Variants in ARMC5 observed in about 807,000 individuals in gnomAD.
The protein encoded by ARMC5 is armadillo repeat containing 5.
ARMC5 carries 28 observed loss-of-function variants against 60.5 expected under a neutral mutation model. That is an observed-to-expected ratio of 0.46 (90% CI 0.34 to 0.63). The LOEUF is 0.63. Ranked by LOEUF, ARMC5 falls within the 30% of genes least tolerant of loss-of-function variation. The pLI is 0.01. For synonymous variants in ARMC5, 680 were observed against 607.3 expected (o/e 1.12, Z -1.76); for missense variants, 1,189 against 1,304.9 (o/e 0.91, Z 1.37).
Position 31,467,108 on chromosome 16 carries a change from C to T in ARMC5, c.*219C>T, listed in dbSNP as rs2082368258. On this transcript the variant is annotated 3_prime_UTR_variant, in exon 6 of 6. Coordinates refer to ENST00000268314, the MANE Select transcript of ARMC5 (RefSeq NM_001105247.2). Reference sequence around the variant, plus strand: ...CAGAGAAGCAGAACAGCCCAGAGCCCCAGGTGCCTGGCCTGGCCTAGACCT... The same window carrying T: ...CAGAGAAGCAGAACAGCCCAGAGCCTCAGGTGCCTGGCCTGGCCTAGACCT... 1 of 504,588 alleles carries T rather than the reference C, an allele frequency of 2.0e-6. No homozygotes were observed. The highest frequency in any genetic ancestry group is 2.0e-5 in the African/African-American group (1 of 50,348). The allele number at this position is 504,588 out of a possible 1,614,324, so 31.3% of individuals were successfully genotyped here. A position where few individuals can be genotyped will look rare whatever the true frequency, so the allele number is the denominator to read the frequency against.
At position 31,467,081 on chromosome 16, in the gene ARMC5, C is replaced by T. The variant is rs918515184; in HGVS notation, c.*192C>T. 1.8e-5 allele frequency: 12 copies of T among 685,674 alleles called. No homozygotes were observed. In the Admixed American group the frequency reaches 3.7e-4, roughly 21 times the overall value. 42.5% of individuals were successfully genotyped at this position (685,674 alleles called of 1,614,324 possible). A position where few individuals can be genotyped will look rare whatever the true frequency, so the allele number is the denominator to read the frequency against. On this transcript the variant is annotated 3_prime_UTR_variant, in exon 6 of 6. Transcript: ENST00000268314. The stretch of plus-strand genomic sequence containing the variant: ...CCAAGGCCAGGTTCTGGGTGTAGGG[C>T]CCAGAGAAGCAGAACAGCCCAGAGC...
At position 31,462,727 on chromosome 16, in the gene ARMC5, CT is replaced by C; in HGVS notation, c.1182del (p.Val395TrpfsTer66). On this transcript the variant is annotated frameshift_variant, in exon 3 of 6. Transcript: ENST00000268314. LOFTEE classifies it high-confidence loss of function. The surrounding 1 kb of genome is among the most constrained non-coding windows in gnomAD (Gnocchi z 7.2). Reference sequence around the variant, plus strand: ...ATGGCACCCTCGTATTGTGGCTGCCCTTGTGGGGTTTCTGTATGACACTGGG... The same window carrying C: ...ATGGCACCCTCGTATTGTGGCTGCCCTGTGGGGTTTCTGTATGACACTGGG... ...SAWHPRIVAA[L>X]VGFLYDTGAL... 6.2e-7 allele frequency: 1 copy of C among 1,613,790 alleles called. No individual in the cohort carries two copies. The highest frequency in any genetic ancestry group is 8.5e-7 in the Non-Finnish European group (1 of 1,180,012).
upstream of ARMC5, chr16:31,458,851 T>C (rs1163175252): frequency 6.5e-7 from 1 of 1,535,014 alleles, no homozygotes; most frequent in East Asian, 2.4e-5. Flanking sequence ...CCCCGTTTCC[T>C]AGATGCCAGC....
At position 31,466,404 on chromosome 16, in the gene ARMC5, C is replaced by T. The variant is rs771192675; in HGVS notation, c.2323C>T (p.Arg775Trp). Residue 775 changes from arginine to tryptophan, a missense_variant, in exon 6 of 6, where the codon CGG becomes TGG. Arg to Trp is a moderately radical substitution (Grantham distance 101). Coordinates refer to ENST00000268314, the MANE Select transcript of ARMC5 (RefSeq NM_001105247.2). This position sits in a 1 kb window ranked among gnomAD's most constrained non-coding sequence, Gnocchi z 8.0. The part of the protein sequence containing the change: ...AASATASPFF[R>W]ALLSGSFAEA... ...CTCAGCCACCGCCTCCCCTTTCTTCCGGGCCCTGCTGTCAGGCAGCTTTGC... is the reference window on the plus strand; with the variant it reads ...CTCAGCCACCGCCTCCCCTTTCTTCTGGGCCCTGCTGTCAGGCAGCTTTGC... 22 of 1,612,172 alleles carry T rather than the reference C, an allele frequency of 1.4e-5. No homozygotes were observed. The highest frequency in any genetic ancestry group is 1.6e-4 in the Middle Eastern group (1 of 6,084).
Position 31,465,951 on chromosome 16 carries a change from G to A in ARMC5, c.1966G>A (p.Ala656Thr). 6.2e-7 allele frequency: 1 copy of A among 1,606,164 alleles called. No individual in the cohort carries two copies. The change falls in exon 5 of 6, where the codon GCC becomes ACC. Residue 656 changes from alanine (A) to threonine (T), a missense_variant. Physicochemically the swap from Ala to Thr is moderately conservative, Grantham distance 58. Coordinates refer to ENST00000268314, the MANE Select transcript of ARMC5 (RefSeq NM_001105247.2). ...CTCTGGGAGCCCTGAGGACCGAGTGGCCTGCGCGCTGACCCTGCCCTTCAT... is the reference window on the plus strand; with the variant it reads ...CTCTGGGAGCCCTGAGGACCGAGTGACCTGCGCGCTGACCCTGCCCTTCAT... ...LLSGSPEDRV[A>T]CALTLPFICR...
rs2082339401 is a variant in ARMC5 at position 31,464,895 on chromosome 16, C to T, written c.1864+8C>T. 5.0e-6 allele frequency: 8 copies of T among 1,606,606 alleles called. No individual in the cohort carries two copies. The highest frequency in any genetic ancestry group is 5.9e-6 in the Non-Finnish European group (7 of 1,179,628). ...GCCGGCACCGAGAGCTGGGTGAGTT[C>T]CCATACCCACCCGTCTCCTTGCCCC... On this transcript the variant is annotated splice_region_variant and intron_variant, in intron 4 of 5. Transcript: ENST00000268314. The surrounding 1 kb of genome is among the most constrained non-coding windows in gnomAD (Gnocchi z 7.6).
chr16:31,466,187 G>A lies in ARMC5; in HGVS notation c.2106G>A (p.Ala702=), dbSNP rs777189617. 1.7e-5 allele frequency: 27 copies of A among 1,612,340 alleles called. No individual in the cohort carries two copies. Among genetic ancestry groups the A allele is most frequent in the African/African-American group, 9.3e-5 (7 of 74,924 alleles). ...APHPLFLFFA[A]DSLSCLQDLV... ...ACCCGCTCTTCCTCTTCTTTGCCGCGGACTCCCTTTCCTGCCTCCAAGACC... is the reference window on the plus strand; with the variant it reads ...ACCCGCTCTTCCTCTTCTTTGCCGCAGACTCCCTTTCCTGCCTCCAAGACC... The change falls in exon 6 of 6, where the codon GCG becomes GCA. Residue 702 remains alanine, a synonymous_variant. Transcript: ENST00000268314. The surrounding 1 kb of genome is among the most constrained non-coding windows in gnomAD (Gnocchi z 8.0).
In ARMC5 at chr16:31,459,854, C is replaced by T. The variant is rs976862231; in HGVS notation, c.330C>T (p.Ala110=). 7.5e-6 allele frequency: 12 copies of T among 1,594,090 alleles called. No individual in the cohort carries two copies. Among genetic ancestry groups the T allele is most frequent in the Admixed American group, 1.7e-5 (1 of 58,280 alleles). ...ASSPAPASGP[A]PSAVSSSSPT... ...GCCCCGCCCCCGCGTCGGGCCCCGC[C>T]CCCTCCGCTGTGTCGTCGTCTAGTC... The change falls in exon 1 of 6, where the codon GCC becomes GCT. Residue 110 remains alanine (A), a synonymous_variant. Coordinates refer to ENST00000268314, the MANE Select transcript of ARMC5 (RefSeq NM_001105247.2).
At chr16:31,459,402 T>C, upstream of ARMC5, 1 of 1,537,644 alleles carries the variant, frequency 6.5e-7, no homozygotes, top group Admixed American at 2.0e-5. Flanking sequence ...ACTTCCGACT[T>C]GCATCACTGC....
At chr16:31,459,240 G>A (rs1407010281), upstream of ARMC5, 35 of 1,532,822 alleles carry the variant, frequency 2.3e-5, no homozygotes, top group African/African-American at 9.6e-5. Context: ...GAGGGCCCTG[G>A]AAGAGTTTCC....
Position 31,464,872 on chromosome 16 carries a change from C to T in ARMC5, c.1849C>T (p.Arg617Trp), listed in dbSNP as rs200869092. The stretch of plus-strand genomic sequence containing the variant: ...ACGTGCCCGGCCCACTCTCCACAGC[C>T]GGCACCGAGAGCTGGGTGAGTTCCC... Reference protein sequence around the residue: ...APRARPTLHSRHRELGERLLQ... With the variant: ...APRARPTLHSWHRELGERLLQ... The change falls in exon 4 of 6, where the codon CGG (arginine) becomes TGG (tryptophan). Residue 617 changes from arginine (R) to tryptophan (W), a missense_variant. Coordinates refer to ENST00000268314, the MANE Select transcript of ARMC5 (RefSeq NM_001105247.2). The surrounding 1 kb of genome is among the most constrained non-coding windows in gnomAD (Gnocchi z 7.6). The T allele has an allele frequency of 1.3e-4, 208 of 1,601,770 alleles. 2 individuals are homozygous for T. Among genetic ancestry groups the T allele is most frequent in the African/African-American group, 9.3e-5 (7 of 74,892 alleles).
Position 31,464,845 on chromosome 16 carries a change from C to T in ARMC5, c.1822C>T (p.Pro608Ser), listed in dbSNP as rs374745962. Residue 608 changes from proline to serine, a missense_variant, in exon 4 of 6, where the codon CCA (proline) becomes TCA (serine). Coordinates refer to ENST00000268314, the MANE Select transcript of ARMC5 (RefSeq NM_001105247.2). The surrounding 1 kb of genome is among the most constrained non-coding windows in gnomAD (Gnocchi z 7.6). Reference protein sequence around the residue: ...LGVAPDDWPAPRARPTLHSRH... With the variant: ...LGVAPDDWPASRARPTLHSRH... ...GGTGGCGCCTGACGATTGGCCGGCA[C>T]CACGTGCCCGGCCCACTCTCCACAG... The T allele has an allele frequency of 3.6e-5, 58 of 1,598,058 alleles. No individual in the cohort carries two copies. The highest frequency in any genetic ancestry group is 4.9e-5 in the Non-Finnish European group (58 of 1,178,320).
Position 31,467,064 on chromosome 16 carries a change from A to G in ARMC5, c.*175A>G. 1 of 857,124 alleles carries G rather than the reference A, an allele frequency of 1.2e-6. No individual in the cohort carries two copies. Among genetic ancestry groups the G allele is most frequent in the Non-Finnish European group, 1.7e-6 (1 of 605,360 alleles). 53.1% of individuals were successfully genotyped at this position (857,124 alleles called of 1,614,324 possible). ...GACCCGGGAGCGAGAAGCCAAGGCC[A>G]GGTTCTGGGTGTAGGGCCCAGAGAA... On this transcript the variant is annotated 3_prime_UTR_variant, in exon 6 of 6. Coordinates refer to ENST00000268314, the MANE Select transcript of ARMC5 (RefSeq NM_001105247.2).
intron 1 of ARMC5, among the ~76,000 whole-genome samples, chr16:31,460,556 G>A (rs150352905): frequency 6.6e-6 from 1 of 152,332 alleles, no homozygotes; most frequent in Non-Finnish European, 1.5e-5. Context: ...AGCATGATAC[G>A]TATTTCAAGT....
intron 3 of ARMC5, among the ~76,000 whole-genome samples, chr16:31,463,990 C>G (rs1188436876): frequency 6.6e-6 from 1 of 152,140 alleles, no homozygotes; most frequent in Non-Finnish European, 1.5e-5. Flanking sequence ...CTGGCTTTAC[C>G]TCCCTCCAAG....
Position 31,464,486 on chromosome 16 carries a change from C to T in ARMC5, c.1463C>T (p.Pro488Leu), listed in dbSNP as rs570961766. 9 of 1,605,768 alleles carry T rather than the reference C, an allele frequency of 5.6e-6. No individual in the cohort carries two copies. The highest frequency in any genetic ancestry group is 5.1e-5 in the Admixed American group (3 of 59,084). ...CAGTGTCCGCCGGAGCCCATGGAGCCGGCCAGCCCCGCCCCGACCCCGACC... is the reference window on the plus strand; with the variant it reads ...CAGTGTCCGCCGGAGCCCATGGAGCTGGCCAGCCCCGCCCCGACCCCGACC... ...PEQCPPEPME[P>L]ASPAPTPTSL... Residue 488 changes from proline to leucine, a missense_variant, in exon 4 of 6, where the codon CCG becomes CTG. Transcript: ENST00000268314. The surrounding 1 kb of genome is among the most constrained non-coding windows in gnomAD (Gnocchi z 7.6).
rs1358657489 is a variant in ARMC5 at position 31,462,224 on chromosome 16, C to T, written c.677C>T (p.Ser226Leu). The T allele has an allele frequency of 6.2e-7, 1 of 1,610,544 alleles. No homozygotes were observed. Among genetic ancestry groups the T allele is most frequent in the Non-Finnish European group, 8.5e-7 (1 of 1,180,028 alleles). ...VVRALRNLAD[S>L]PQHRLALAQQ... ...CGTGCCCTCCGTAACCTGGCAGACT[C>T]ACCCCAGCACCGCCTGGCCTTGGCA... The change falls in exon 3 of 6, where the codon TCA (serine) becomes TTA (leucine). Residue 226 changes from serine (S) to leucine (L), a missense_variant. Coordinates refer to ENST00000268314, the MANE Select transcript of ARMC5 (RefSeq NM_001105247.2). This position sits in a 1 kb window ranked among gnomAD's most constrained non-coding sequence, Gnocchi z 7.2.
chr16:31,458,691 G>A (rs2082268452), upstream of ARMC5: 6 of 1,455,872 alleles, frequency 4.1e-6, no homozygotes, highest in East Asian at 5.0e-5. Context: ...ACCACACCAG[G>A]AAGGGCTGCT....
upstream of ARMC5, chr16:31,459,088 C>T: frequency 6.7e-7 from 1 of 1,485,556 alleles, no homozygotes; most frequent in Non-Finnish European, 8.9e-7. Context: ...GTCCCAAGGC[C>T]GGGCCGCACC....
Sources: allele counts gnomAD v4.1 joint callset (sites outside exome capture counted in the v4.1 genomes callset), GRCh38; gene constraint gnomAD v4.1.1; non-coding constraint Gnocchi (gnomAD v3.1); transcripts MANE v1.5; gene names NCBI Gene and HGNC (gene_info 2026-07-23, HGNC 2026-07-21).